Variants in AATF observed in about 807,000 individuals in gnomAD.
The protein encoded by AATF is protein AATF.
AATF carries 48 observed loss-of-function variants against 63.7 expected under a neutral mutation model. The observed-to-expected ratio is 0.75, with a 90% CI of 0.60 to 0.96. The LOEUF (loss-of-function observed/expected upper bound fraction) is 0.96. Among genes scored for constraint, AATF ranks in the 40% least tolerant of loss-of-function variants. The pLI is 0.00. For synonymous variants in AATF, 258 were observed against 247.7 expected, an observed-to-expected ratio of 1.04 and a Z score of -0.39; for missense variants, 639 against 685.7, an observed-to-expected ratio of 0.93 and a Z score of 0.76.
chr17:36,982,233 G>GT (rs61030839), intron 4 of AATF, among the ~76,000 whole-genome samples: 4,794 of 121,688 alleles, frequency 0.039, 81 homozygotes, highest in African/African-American at 0.049. Flanking sequence ...TTTTTGTTTT[G>GT]TTTTTTTTTT....
chr17:36,984,766 G>C (rs2071153951), intron 4 of AATF, among the ~76,000 whole-genome samples: 1 of 151,878 alleles, frequency 6.6e-6, no homozygotes, highest in African/African-American at 2.4e-5. Flanking sequence ...CTCCCAAGTA[G>C]TTGGGACTAT....
At position 37,029,942 on chromosome 17, in the gene AATF, ATCT is replaced by A. The variant is rs1344967901; in HGVS notation, c.1548-1668_1548-1666del. Among the ~76,000 whole-genome samples the A allele has an allele frequency of 2.0e-5, 3 of 152,012 alleles. No homozygotes were observed. In the South Asian group the frequency reaches 6.2e-4, roughly 32 times the overall value. Reference sequence around the variant, plus strand: ...GGTCTTGAACTCCTGGGCTCAGGTGATCTTCTGCCTGGCCTCTCAAAGTGCTCA... The same window carrying A: ...GGTCTTGAACTCCTGGGCTCAGGTGATCTGCCTGGCCTCTCAAAGTGCTCA... On this transcript the variant is annotated intron_variant, in intron 10 of 11. Transcript: ENST00000619387.
At chr17:36,960,634 C>A (rs2070939578) in intron 4 of AATF, among the ~76,000 whole-genome samples, 1 of 152,148 alleles carries the variant, frequency 6.6e-6, no homozygotes, top group South Asian at 2.1e-4. Flanking sequence ...TTTCGGAGTT[C>A]TCTCAGTTAA....
At chr17:37,011,160 C>T (rs1017938464) in intron 8 of AATF, among the ~76,000 whole-genome samples, 4 of 152,158 alleles carry the variant, frequency 2.6e-5, no homozygotes, top group Admixed American at 2.6e-4. Flanking sequence ...TACCTGAGTT[C>T]AGGAGTTCGA....
chr17:37,013,635 T>C (rs2071408332), intron 8 of AATF, among the ~76,000 whole-genome samples: 1 of 152,136 alleles, frequency 6.6e-6, no homozygotes, highest in African/African-American at 2.4e-5. Flanking sequence ...ACTTCATCTA[T>C]GCATGAGGGA....
At chr17:37,008,874 T>A (rs1485871355) in intron 8 of AATF, among the ~76,000 whole-genome samples, 1 of 152,136 alleles carries the variant, frequency 6.6e-6, no homozygotes, top group Non-Finnish European at 1.5e-5. Context: ...GTAACTGAAA[T>A]TAATTCAGAC....
chr17:36,958,157 C>CTTTTT, intron 4 of AATF, among the ~76,000 whole-genome samples: 2 of 140,522 alleles, frequency 1.4e-5, no homozygotes, highest in South Asian at 4.2e-4. Context: ...CTTTTTCTCT[C>CTTTTT]TTTCTTTTTT....
intron 4 of AATF, among the ~76,000 whole-genome samples, chr17:36,970,541 C>CTTT (rs773737841): frequency 2.3e-5 from 2 of 87,014 alleles, no homozygotes; most frequent in African/African-American, 1.0e-4. Flanking sequence ...TTTCTTTTTT[C>CTTT]TTTTTTTTTT....
chr17:37,048,930 T>G (rs1418581264), intron 11 of AATF, among the ~76,000 whole-genome samples: 1 of 152,222 alleles, frequency 6.6e-6, no homozygotes, highest in Non-Finnish European at 1.5e-5. Flanking sequence ...TAGTCCCTCG[T>G]GTTGGTTGGG....
intron 11 of AATF, chr17:37,034,871 A>C (rs2071578309): frequency 6.6e-6 from 1 of 152,214 alleles, no homozygotes; most frequent in African/African-American, 2.4e-5. Flanking sequence ...CACACCTGTA[A>C]TCCCAGCACT....
intron 11 of AATF, among the ~76,000 whole-genome samples, chr17:37,043,651 T>C (rs1484551081): frequency 6.6e-6 from 1 of 152,214 alleles, no homozygotes; most frequent in East Asian, 1.9e-4. Context: ...ATAATATATT[T>C]TAATTTCAAT....
intron 4 of AATF, among the ~76,000 whole-genome samples, chr17:36,971,821 C>G (rs141251675): frequency 5.9e-5 from 9 of 152,268 alleles, no homozygotes; most frequent in African/African-American, 2.2e-4. Flanking sequence ...CTTGGAAATT[C>G]CATTTATATG....
At chr17:37,005,154 C>T (rs534966833) in intron 8 of AATF, among the ~76,000 whole-genome samples, 40 of 152,256 alleles carry the variant, frequency 2.6e-4, no homozygotes, top group Middle Eastern at 3.4e-3. Flanking sequence ...CCCCAGACTC[C>T]GCTGACACAT....
At chr17:36,960,200 G>C (rs1462500147) in intron 4 of AATF, among the ~76,000 whole-genome samples, 1 of 152,124 alleles carries the variant, frequency 6.6e-6, no homozygotes, top group East Asian at 1.9e-4. Flanking sequence ...TTGTAGTAGA[G>C]ACGAGGTTTC....
chr17:36,960,170 C>T (rs891300279), intron 4 of AATF, among the ~76,000 whole-genome samples: 2 of 152,104 alleles, frequency 1.3e-5, no homozygotes, highest in Admixed American at 6.6e-5. Context: ...TGCAGCACCA[C>T]GCCCAGCTAA....
intron 8 of AATF, among the ~76,000 whole-genome samples, chr17:37,015,222 A>G (rs1194638131): frequency 1.3e-5 from 2 of 152,142 alleles, no homozygotes; most frequent in Non-Finnish European, 2.9e-5. Context: ...TATGCTGTGA[A>G]CTGACCTCTT....
At chr17:36,988,313 C>CA (rs529141294) in intron 5 of AATF, among the ~76,000 whole-genome samples, 9 of 147,816 alleles carry the variant, frequency 6.1e-5, no homozygotes, top group African/African-American at 9.9e-5. Flanking sequence ...AAGACTGTCT[C>CA]AAAAAAAAAA....
chr17:37,005,947 G>A (rs1391000653), intron 8 of AATF, among the ~76,000 whole-genome samples: 1 of 151,942 alleles, frequency 6.6e-6, no homozygotes, highest in Non-Finnish European at 1.5e-5. Context: ...GGGCAACATA[G>A]TGAGACCCTA....
chr17:36,953,338 C>T lies in AATF; in HGVS notation c.694+42C>T, dbSNP rs79842946. 16 of 1,582,056 alleles carry T rather than the reference C, an allele frequency of 1.0e-5. No homozygotes were observed. In the East Asian group the frequency reaches 2.9e-4, roughly 29 times the overall value. Reference sequence around the variant, plus strand: ...GCTGATTGCCTGTTTTTCAAAGTATCTGCATTTGGTCTACTTTTCATTTGT... The same window carrying T: ...GCTGATTGCCTGTTTTTCAAAGTATTTGCATTTGGTCTACTTTTCATTTGT... On this transcript the variant is annotated intron_variant, in intron 3 of 11. Transcript: ENST00000619387.
Sources: gnomAD v4.1 joint callset for allele counts (sites outside exome capture counted in the v4.1 genomes callset) on GRCh38, gnomAD v4.1.1 for gene constraint, MANE v1.5 for transcripts, NCBI Gene and HGNC (gene_info 2026-07-23, HGNC 2026-07-21) for gene names.